The following VTA1 variants were observed in gnomAD, a reference collection of about 807,000 sequenced individuals.
The protein encoded by VTA1 is vacuolar protein sorting-associated protein VTA1 homolog.
In VTA1, 24 loss-of-function variants were observed where a neutral mutation model predicts 36.9. The ratio of observed to expected loss-of-function variants is 0.65; its 90% CI spans 0.47 to 0.91. VTA1 has a LOEUF of 0.91. Among genes scored for constraint, VTA1 ranks in the 40% least tolerant of loss-of-function variants. The pLI, the probability that VTA1 is intolerant of heterozygous loss-of-function variation, is 0.00. For synonymous variants in VTA1, 142 were observed against 130.2 expected (o/e 1.09, Z -0.62); for missense variants, 393 against 377.2 (o/e 1.04, Z -0.35).
intron 4 of VTA1, among the ~76,000 whole-genome samples, chr6:142,175,899 C>G (rs1262490652): frequency 6.6e-6 from 1 of 151,616 alleles, no homozygotes; most frequent in Non-Finnish European, 1.5e-5. Context: ...TTCTATTTCT[C>G]AGTTATCTTA....
intron 4 of VTA1, among the ~76,000 whole-genome samples, chr6:142,171,758 C>T (rs1310503828): frequency 6.6e-6 from 1 of 151,986 alleles, no homozygotes; most frequent in African/African-American, 2.4e-5. Flanking sequence ...GTGATTTGAA[C>T]ACTATGGGCA....
chr6:142,163,314 G>A (rs1439213624), intron 1 of VTA1, among the ~76,000 whole-genome samples: 1 of 152,068 alleles, frequency 6.6e-6, no homozygotes, highest in East Asian at 1.9e-4. Context: ...GGAAAAAAGG[G>A]AGAGGGTCTG....
chr6:142,181,094 A>ATATATATATATATATATATATATATAT (rs1554219841), intron 4 of VTA1, among the ~76,000 whole-genome samples: 2 of 36,420 alleles, frequency 5.5e-5, no homozygotes, highest in Non-Finnish European at 1.2e-4. Context: ...AAAAAAAAAA[A>ATATATATATATATATATATATATATAT]ATATATATAT....
At chr6:142,197,445 G>A (rs1045043569) in intron 5 of VTA1, among the ~76,000 whole-genome samples, 4 of 152,064 alleles carry the variant, frequency 2.6e-5, no homozygotes, top group Admixed American at 1.3e-4. Context: ...TCCCAGTAGC[G>A]GCTGATGGTC....
chr6:142,187,235 AG>A (rs1762870017), intron 4 of VTA1, among the ~76,000 whole-genome samples: 1 of 152,202 alleles, frequency 6.6e-6, no homozygotes, highest in African/African-American at 2.4e-5. Flanking sequence ...TAGGAGCCAA[AG>A]GAGGTTAGAG....
chr6:142,160,000 G>C (rs1343360998), intron 1 of VTA1, among the ~76,000 whole-genome samples: 3 of 151,754 alleles, frequency 2.0e-5, no homozygotes, highest in Non-Finnish European at 4.4e-5. Flanking sequence ...TCTTCTTATG[G>C]ATCACATTTT....
At chr6:142,201,450 G>A (rs1489598140) in intron 6 of VTA1, among the ~76,000 whole-genome samples, 3 of 151,914 alleles carry the variant, frequency 2.0e-5, no homozygotes, top group Non-Finnish European at 4.4e-5. Flanking sequence ...GATAGTGATT[G>A]TTTAAACAGG....
chr6:142,179,824 C>T (rs1775194368), intron 4 of VTA1, among the ~76,000 whole-genome samples: 1 of 152,074 alleles, frequency 6.6e-6, no homozygotes, highest in Non-Finnish European at 1.5e-5. Context: ...TTTGGTTTAT[C>T]TTAGTATGGG....
intron 1 of VTA1, among the ~76,000 whole-genome samples, chr6:142,165,130 T>C (rs1202918397): frequency 6.6e-6 from 1 of 152,218 alleles, no homozygotes. Context: ...ATTCAGTAAA[T>C]ATCTAACAGT....
chr6:142,212,642 A>G (rs1040431381), intron 7 of VTA1, among the ~76,000 whole-genome samples: 9 of 152,214 alleles, frequency 5.9e-5, no homozygotes, highest in African/African-American at 1.9e-4. Flanking sequence ...TGTATGAAGA[A>G]TAGAGGTTTA....
chr6:142,192,221 T>C (rs1389738949), intron 5 of VTA1, among the ~76,000 whole-genome samples: 5 of 152,068 alleles, frequency 3.3e-5, no homozygotes, highest in African/African-American at 1.2e-4. Flanking sequence ...TTACAGTCAT[T>C]GTTTTTCACC....
intron 7 of VTA1, among the ~76,000 whole-genome samples, chr6:142,211,309 G>C (rs191782666): frequency 3.3e-5 from 5 of 152,098 alleles, no homozygotes; most frequent in Non-Finnish European, 7.4e-5. Context: ...AATGTAAAAA[G>C]TAAAATACAA....
At chr6:142,212,381 TA>T (rs1775920541) in intron 7 of VTA1, among the ~76,000 whole-genome samples, 1 of 152,142 alleles carries the variant, frequency 6.6e-6, no homozygotes, top group African/African-American at 2.4e-5. Context: ...GGAGGAAACT[TA>T]AATGCATATT....
chr6:142,216,172 C>T lies in VTA1; in HGVS notation c.779-2326C>T, dbSNP rs190038195. ...TTTTGGTGCATTAAGCTTATATTGA[C>T]CTTTTTGAGTATAAAGTCAGATAAA... is the stretch of plus-strand genomic sequence containing the variant. On this transcript the variant is annotated intron_variant, in intron 7 of 7. Coordinates refer to ENST00000367630, the MANE Select transcript of VTA1 (RefSeq NM_016485.5). Among the ~76,000 whole-genome samples, 8 of 151,278 alleles carry T rather than the reference C, an allele frequency of 5.3e-5. No individual in the cohort carries two copies. The East Asian group carries it at 1.5e-3, about 29-fold the overall frequency.
chr6:142,171,785 T>G (rs547204023), intron 4 of VTA1, among the ~76,000 whole-genome samples: 84 of 152,328 alleles, frequency 5.5e-4, no homozygotes, highest in Non-Finnish European at 8.5e-4. Flanking sequence ...TTTTTGTGAT[T>G]AAACTTTTTT....
intron 4 of VTA1, among the ~76,000 whole-genome samples, chr6:142,188,922 A>ACTAG (rs1693247557): frequency 6.6e-6 from 1 of 152,220 alleles, no homozygotes; most frequent in Non-Finnish European, 1.5e-5. Context: ...AGAGCTGTTA[A>ACTAG]CTAGCATGTG....
At chr6:142,168,038 T>A (rs1164186874) in intron 2 of VTA1, among the ~76,000 whole-genome samples, 1 of 152,230 alleles carries the variant, frequency 6.6e-6, no homozygotes, top group Admixed American at 6.5e-5. Context: ...AATTTATCAC[T>A]ATCTGCATTA....
intron 5 of VTA1, among the ~76,000 whole-genome samples, chr6:142,196,609 C>T (rs928481057): frequency 2.0e-5 from 3 of 151,522 alleles, no homozygotes; most frequent in Admixed American, 6.6e-5. Flanking sequence ...TTAGTTTTGT[C>T]TCTTTCATTT....
rs1352390427 is a variant in VTA1 at position 142,221,008 on chromosome 6, A to AT, written c.*2366dup. The AT allele has an allele frequency of 6.6e-6, 1 of 152,140 alleles. No homozygotes were observed. The highest frequency in any genetic ancestry group is 1.5e-5 in the Non-Finnish European group (1 of 68,038). 9.4% of individuals were successfully genotyped at this position (152,140 alleles called of 1,614,324 possible). A position where few individuals can be genotyped will look rare whatever the true frequency, so the allele number is the denominator to read the frequency against. ...TTTTGGGCCCCACCTGTCCTACCCA[A>AT]TCAGAAACTCTAGGGATGGGTCCCA... On this transcript the variant is annotated 3_prime_UTR_variant, in exon 8 of 8. Coordinates refer to ENST00000367630, the MANE Select transcript of VTA1 (RefSeq NM_016485.5).
Sources: allele counts gnomAD v4.1 joint callset (sites outside exome capture counted in the v4.1 genomes callset), GRCh38; gene constraint gnomAD v4.1.1; transcripts MANE v1.5; gene names NCBI Gene and HGNC (gene_info 2026-07-23, HGNC 2026-07-21).